The following PRIM2 variants were observed in gnomAD, a reference collection of about 807,000 sequenced individuals.
The protein encoded by PRIM2 is DNA primase subunit 2, also known as DNA primase large subunit.
Under a neutral mutation model 67.3 loss-of-function variants are expected in PRIM2, and 39 were observed. That is an observed-to-expected ratio of 0.58 (90% CI 0.45 to 0.76). The LOEUF (loss-of-function observed/expected upper bound fraction) is 0.76. Among genes scored for constraint, PRIM2 ranks in the 30% least tolerant of loss-of-function variants. The pLI is 0.00. For missense variants in PRIM2, 398 were observed against 598.7 expected (o/e 0.66, Z 3.50); for synonymous variants, 143 against 198.7 (o/e 0.72, Z 2.36).
At chr6:57,341,959 G>A (rs73748713) in intron 5 of PRIM2, among the ~76,000 whole-genome samples, 2 of 152,112 alleles carry the variant, frequency 1.3e-5, no homozygotes, top group Non-Finnish European at 2.9e-5. Context: ...CTGTCTTTTC[G>A]GTTTCCTCAA....
intron 7 of PRIM2, among the ~76,000 whole-genome samples, chr6:57,488,409 C>G (rs1773801934): frequency 1.3e-5 from 2 of 152,156 alleles, no homozygotes; most frequent in Non-Finnish European, 2.9e-5. Flanking sequence ...GAGCAGTGTT[C>G]TTGGGAAAAC....
intron 7 of PRIM2, among the ~76,000 whole-genome samples, chr6:57,460,613 A>AT (rs1197002526): frequency 5.4e-5 from 8 of 147,216 alleles, no homozygotes; most frequent in African/African-American, 1.6e-4. Context: ...TGTCATCCTG[A>AT]TTTAAAAAAA....
chr6:57,268,110 T>C, the PRIM2 span, among the ~76,000 whole-genome samples: 4 of 152,104 alleles, frequency 2.6e-5, no homozygotes, highest in African/African-American at 9.7e-5. Context: ...ATTCCTAAAG[T>C]ATTAGGTGGT....
At chr6:57,540,579 G>T (rs1284786111) in intron 10 of PRIM2, among the ~76,000 whole-genome samples, 1 of 151,898 alleles carries the variant, frequency 6.6e-6, no homozygotes, top group South Asian at 2.1e-4. Context: ...TAGAAATATC[G>T]AAAAAGGTAA....
intron 7 of PRIM2, among the ~76,000 whole-genome samples, chr6:57,496,396 A>G (rs1774005178): frequency 1.3e-5 from 2 of 152,222 alleles, no homozygotes; most frequent in South Asian, 2.1e-4. Flanking sequence ...TACTGCTGAC[A>G]GAAGATACAC....
At chr6:57,442,299 T>C (rs1390378438) in intron 7 of PRIM2, among the ~76,000 whole-genome samples, 1 of 152,122 alleles carries the variant, frequency 6.6e-6, no homozygotes, top group African/African-American at 2.4e-5. Flanking sequence ...TTAGTTAACA[T>C]TGTAGCAGAT....
the PRIM2 span, among the ~76,000 whole-genome samples, chr6:57,284,405 A>T: frequency 2.0e-5 from 3 of 152,226 alleles, no homozygotes; most frequent in Non-Finnish European, 4.4e-5. Flanking sequence ...TTGAAGATGT[A>T]GTCTATGTTC....
the PRIM2 span, among the ~76,000 whole-genome samples, chr6:57,253,204 AT>A: frequency 6.0e-5 from 9 of 148,954 alleles, no homozygotes; most frequent in East Asian, 2.0e-4. Flanking sequence ...AAAAAAAAAA[AT>A]AAACAGTAGT....
chr6:57,521,929 C>T (rs1774633488), intron 8 of PRIM2, among the ~76,000 whole-genome samples: 2 of 151,290 alleles, frequency 1.3e-5, no homozygotes, highest in African/African-American at 4.9e-5. Context: ...TGCTGTAAGC[C>T]ACATTTGCAT....
At chr6:57,341,304 A>G (rs908575331) in intron 5 of PRIM2, among the ~76,000 whole-genome samples, 7 of 152,192 alleles carry the variant, frequency 4.6e-5, no homozygotes, top group Non-Finnish European at 1.0e-4. Context: ...TATAGAAAAC[A>G]TTATGCCTTA....
chr6:57,429,709 A>G (rs1581896271), intron 7 of PRIM2, among the ~76,000 whole-genome samples: 6 of 152,162 alleles, frequency 3.9e-5, no homozygotes, highest in Admixed American at 3.3e-4. Flanking sequence ...TTGTTGTCCC[A>G]TAAAGGAAAT....
the PRIM2 span, among the ~76,000 whole-genome samples, chr6:57,268,409 T>A: frequency 2.0e-5 from 3 of 152,158 alleles, no homozygotes; most frequent in African/African-American, 7.2e-5. Flanking sequence ...AAGACTAATA[T>A]GGCTTTTAAA....
the PRIM2 span, among the ~76,000 whole-genome samples, chr6:57,285,319 A>C: frequency 6.6e-6 from 1 of 152,176 alleles, no homozygotes; most frequent in Non-Finnish European, 1.5e-5. Context: ...GACACAACAA[A>C]AAAAGAGAAT....
chr6:57,537,456 T>A lies in PRIM2; in HGVS notation c.851T>A (p.Phe284Tyr), dbSNP rs1473423151. 23 of 1,429,592 alleles carry A rather than the reference T, an allele frequency of 1.6e-5. No homozygotes were observed. The African/African-American group carries it at 2.8e-4, about 18-fold the overall frequency. 88.6% of individuals were successfully genotyped at this position (1,429,592 alleles called of 1,614,324 possible). The change falls in exon 10 of 14, where the codon TTC becomes TAC. Residue 284 changes from phenylalanine to tyrosine, a missense_variant. Coordinates refer to ENST00000615550, the MANE Select transcript of PRIM2 (RefSeq NM_000947.5). ...TTCTTGTAGCTTTCTACCAAATCCT[T>A]CCCACCTTGCATGCGTCAGTTACAT... ...DQIDLLSTKS[F>Y]PPCMRQLHKA...
intron 10 of PRIM2, among the ~76,000 whole-genome samples, chr6:57,581,482 G>T (rs1776083291): frequency 6.6e-6 from 1 of 152,150 alleles, no homozygotes; most frequent in Non-Finnish European, 1.5e-5. Flanking sequence ...AATTTTCATT[G>T]CTGTTACATC....
the PRIM2 span, among the ~76,000 whole-genome samples, chr6:57,295,393 T>C: frequency 1.3e-5 from 2 of 152,194 alleles, no homozygotes; most frequent in African/African-American, 4.8e-5. Flanking sequence ...CTTAGAGGTT[T>C]AACTAGTAGC....
intron 5 of PRIM2, among the ~76,000 whole-genome samples, chr6:57,361,360 T>A: frequency 6.6e-6 from 1 of 152,108 alleles, no homozygotes; most frequent in Non-Finnish European, 1.5e-5. Context: ...TTGGACACTG[T>A]GGCACTGTAA....
At chr6:57,231,316 T>C in the PRIM2 span, among the ~76,000 whole-genome samples, 1 of 152,228 alleles carries the variant, frequency 6.6e-6, no homozygotes, top group Non-Finnish European at 1.5e-5. Context: ...TAGGTTTCTC[T>C]TCCTGTGGTA....
chr6:57,323,595 G>A (rs980906018), intron 3 of PRIM2, among the ~76,000 whole-genome samples: 19 of 151,970 alleles, frequency 1.3e-4, no homozygotes, highest in African/African-American at 4.6e-4. Flanking sequence ...TGGACACAGG[G>A]AGGGGAACAC....
Sources: gnomAD v4.1 joint callset for allele counts (sites outside exome capture counted in the v4.1 genomes callset) on GRCh38, gnomAD v4.1.1 for gene constraint, MANE v1.5 for transcripts, NCBI Gene and HGNC (gene_info 2026-07-23, HGNC 2026-07-21) for gene names.